SSRP1: variants seen among roughly 807,000 people sequenced by gnomAD.
SSRP1 encodes the protein structure specific recognition protein 1.
In SSRP1, 21 loss-of-function variants were observed where a neutral mutation model predicts 84.4. That is an observed-to-expected ratio of 0.25 (90% CI 0.18 to 0.36). The LOEUF (loss-of-function observed/expected upper bound fraction) is 0.36, where lower values mean the gene tolerates loss of function less well. Ranked by LOEUF, SSRP1 falls within the 10% of genes least tolerant of loss-of-function variation. The pLI is 1.00. For missense variants in SSRP1, 519 were observed against 900.8 expected (o/e 0.58, Z 5.43); for synonymous variants, 319 against 318.3 (o/e 1.00, Z -0.02).
chr11:57,334,925 G>T, intron 2 of SSRP1, 143 bp downstream of exon 2: 1 of 966,438 alleles, frequency 1.0e-6, no homozygotes, highest in South Asian at 1.4e-5. Flanking sequence ...GTATTGCCTT[G>T]AGTTGGTGGA....
In SSRP1 at chr11:57,330,131, T is replaced by C; in HGVS notation, c.1443A>G (p.Ser481=). The change falls in exon 12 of 17, where the codon TCA becomes TCG. Residue 481 remains serine (S), a synonymous_variant. Transcript: ENST00000278412. The surrounding 1 kb of genome is among the most constrained non-coding windows in gnomAD (Gnocchi z 4.0). Reference sequence around the variant, plus strand: ...CTTCCTCCTCTTCACCTGGGTTGAATGACTCATCTGAAAAAGGGCACAGGA... The same window carrying C: ...CTTCCTCCTCTTCACCTGGGTTGAACGACTCATCTGAAAAAGGGCACAGGA... ...SDDSGEETDE[S]FNPGEEEEDV... The C allele has an allele frequency of 6.2e-7, 1 of 1,614,168 alleles. No homozygotes were observed. The highest frequency in any genetic ancestry group is 8.5e-7 in the Non-Finnish European group (1 of 1,180,026).
At chr11:57,333,790 T>C (rs1856146431) in intron 3 of SSRP1, among the ~76,000 whole-genome samples, 1 of 152,248 alleles carries the variant, frequency 6.6e-6, no homozygotes, top group African/African-American at 2.4e-5. Context: ...TTAATGAAAG[T>C]GGAAATTAAA....
chr11:57,330,781 CG>C lies in SSRP1; in HGVS notation c.1296+73del. On this transcript the variant is annotated intron_variant, in intron 10 of 16. Coordinates refer to ENST00000278412, the MANE Select transcript of SSRP1 (RefSeq NM_003146.3). The surrounding 1 kb of genome is among the most constrained non-coding windows in gnomAD (Gnocchi z 4.0). Reference sequence around the variant, plus strand: ...AGAGAAGAAAGAGTGAAAAAGAAGCCGGAAAAAATCTCCACCCCTTTCTCCC... The same window carrying C: ...AGAGAAGAAAGAGTGAAAAAGAAGCCGAAAAAATCTCCACCCCTTTCTCCC... The C allele has an allele frequency of 1.2e-6, 2 of 1,609,096 alleles. No homozygotes were observed. Among genetic ancestry groups the C allele is most frequent in the Non-Finnish European group, 1.7e-6 (2 of 1,177,206 alleles).
chr11:57,327,556 TC>T (rs777417668), intron 14 of SSRP1, 42 bp from the exon 15 acceptor site: 12 of 1,611,346 alleles, frequency 7.4e-6, no homozygotes, highest in Non-Finnish European at 1.0e-5. Flanking sequence ...ATAAGACCTC[TC>T]CCATCTCCCC....
rs756169620 is a variant in SSRP1, at chr11:57,330,571, C to T, written c.1297-142G>A. The T allele has an allele frequency of 8.3e-6, 12 of 1,441,614 alleles. No homozygotes were observed. The highest frequency in any genetic ancestry group is 2.8e-5 in the South Asian group (2 of 71,284). 89.3% of individuals were successfully genotyped at this position (1,441,614 alleles called of 1,614,324 possible). A position where few individuals can be genotyped will look rare whatever the true frequency, so the allele number is the denominator to read the frequency against. ...GGCTGGATTGTCCACACACAGCCAACGTGCAGGGCCTATGCCCAAGTACTT... is the reference window on the plus strand; with the variant it reads ...GGCTGGATTGTCCACACACAGCCAATGTGCAGGGCCTATGCCCAAGTACTT... On this transcript the variant is annotated intron_variant, in intron 10 of 16. Coordinates refer to ENST00000278412, the MANE Select transcript of SSRP1 (RefSeq NM_003146.3). This position sits in a 1 kb window ranked among gnomAD's most constrained non-coding sequence, Gnocchi z 4.0.
intron 13 of SSRP1, 178 bp from the exon 14 acceptor site, chr11:57,328,060 G>GCTTTT: frequency 1.0e-6 from 1 of 955,054 alleles, no homozygotes; most frequent in East Asian, 2.6e-5. Flanking sequence ...TCAGTGCCTA[G>GCTTTT]CTTACCAGGA....
Position 57,330,725 on chromosome 11 carries a change from A to T in SSRP1, c.1296+130T>A. 3 of 1,519,224 alleles carry T rather than the reference A, an allele frequency of 2.0e-6. No homozygotes were observed. Among genetic ancestry groups the T allele is most frequent in the Non-Finnish European group, 2.6e-6 (3 of 1,133,822 alleles). The allele number at this position is 1,519,224 out of a possible 1,614,324, so 94.1% of individuals were successfully genotyped here. On this transcript the variant is annotated intron_variant, in intron 10 of 16. Coordinates refer to ENST00000278412, the MANE Select transcript of SSRP1 (RefSeq NM_003146.3). The surrounding 1 kb of genome is among the most constrained non-coding windows in gnomAD (Gnocchi z 4.0). ...CCTGCACCAGGAGGGGGAAAGGGTC[A>T]CACGCACCTCTTTTTTCTATAAGGG... is the stretch of plus-strand genomic sequence containing the variant.
Position 57,335,132 on chromosome 11 carries a change from G to A in SSRP1, c.-11C>T. On this transcript the variant is annotated 5_prime_UTR_variant, in exon 2 of 17. Coordinates refer to ENST00000278412, the MANE Select transcript of SSRP1 (RefSeq NM_003146.3). This position sits in a 1 kb window ranked among gnomAD's most constrained non-coding sequence, Gnocchi z 4.6. Reference sequence around the variant, plus strand: ...CAGTGTCTCTGCCATGTCGACCCCTGCCTGTGGTGGCCTGGGCAGAGCCCC... The same window carrying A: ...CAGTGTCTCTGCCATGTCGACCCCTACCTGTGGTGGCCTGGGCAGAGCCCC... The A allele has an allele frequency of 6.2e-7, 1 of 1,613,972 alleles. No individual in the cohort carries two copies. Among genetic ancestry groups the A allele is most frequent in the Non-Finnish European group, 8.5e-7 (1 of 1,179,944 alleles).
At position 57,330,072 on chromosome 11, in the gene SSRP1, C is replaced by T. The variant is rs763622425; in HGVS notation, c.1481+21G>A. ...CTTATGGGTCACCATCTTATCCCCACAAGGTACCACCAAAACTCACTCCTC... is the reference window on the plus strand; with the variant it reads ...CTTATGGGTCACCATCTTATCCCCATAAGGTACCACCAAAACTCACTCCTC... On this transcript the variant is annotated intron_variant, in intron 12 of 16. Transcript: ENST00000278412. This position sits in a 1 kb window ranked among gnomAD's most constrained non-coding sequence, Gnocchi z 4.0. The T allele has an allele frequency of 2.8e-5, 45 of 1,614,172 alleles. 1 individual carries two copies. In the South Asian group the frequency reaches 4.7e-4, roughly 17 times the overall value.
Position 57,335,045 on chromosome 11 carries a change from T to A in SSRP1, c.54+23A>T. ...CCCTCCTTCCTTCTCTCTACTTGTA[T>A]CACCTGTCCAAGCCATTCTCACCAT... On this transcript the variant is annotated intron_variant, in intron 2 of 16. Coordinates refer to ENST00000278412, the MANE Select transcript of SSRP1 (RefSeq NM_003146.3). This position sits in a 1 kb window ranked among gnomAD's most constrained non-coding sequence, Gnocchi z 4.6. 6.2e-7 allele frequency: 1 copy of A among 1,613,732 alleles called. No homozygotes were observed. The highest frequency in any genetic ancestry group is 2.2e-5 in the East Asian group (1 of 44,878).
intron 13 of SSRP1, 147 bp downstream of exon 13, chr11:57,328,150 C>T (rs1856021325): frequency 2.3e-6 from 3 of 1,328,562 alleles, no homozygotes; most frequent in Non-Finnish European, 3.1e-6. Context: ...AAGAAGATAA[C>T]CCTCAAGGCT....
At chr11:57,333,204 C>G (rs2134391827) in intron 4 of SSRP1, 55 bp from the exon 5 acceptor site, 4 of 1,542,088 alleles carry the variant, frequency 2.6e-6, no homozygotes, top group East Asian at 2.3e-5. Context: ...TCTGCATAAG[C>G]AATATTCCCA....
Position 57,326,284 on chromosome 11 carries a change from A to G in SSRP1, c.*123T>C. The G allele has an allele frequency of 3.3e-6, 3 of 898,864 alleles. No homozygotes were observed. The highest frequency in any genetic ancestry group is 3.7e-5 in the Admixed American group (2 of 53,556). The allele number at this position is 898,864 out of a possible 1,614,324, so 55.7% of individuals were successfully genotyped here. ...CCCTAGTGACATACACACCAACAGG[A>G]GAGCATGTTCAGATGGCACAGAATC... On this transcript the variant is annotated 3_prime_UTR_variant, in exon 17 of 17. Transcript: ENST00000278412.
At position 57,326,577 on chromosome 11, in the gene SSRP1, G is replaced by A. The variant is rs1235261275; in HGVS notation, c.2059-99C>T. 1.9e-6 allele frequency: 3 copies of A among 1,592,914 alleles called. No homozygotes were observed. The Admixed American group carries it at 5.1e-5, about 27-fold the overall frequency. The stretch of plus-strand genomic sequence containing the variant: ...CAATTCCCTACCGCCCCCAACTACA[G>A]CACCCCCCTTCAGAACCTCAGAATT... On this transcript the variant is annotated intron_variant, in intron 16 of 16. Transcript: ENST00000278412.
At position 57,332,508 on chromosome 11, in the gene SSRP1, T is replaced by A; in HGVS notation, c.769-22A>T. 1 of 1,613,286 alleles carries A rather than the reference T, an allele frequency of 6.2e-7. No homozygotes were observed. The highest frequency in any genetic ancestry group is 8.5e-7 in the Non-Finnish European group (1 of 1,179,410). On this transcript the variant is annotated intron_variant, in intron 6 of 16. Coordinates refer to ENST00000278412, the MANE Select transcript of SSRP1 (RefSeq NM_003146.3). This position sits in a 1 kb window ranked among gnomAD's most constrained non-coding sequence, Gnocchi z 5.5. ...TGATCTAGTAAGGAAGAGTACTAAT[T>A]GACACTCTACAACAACTTGCAATTA... is the stretch of plus-strand genomic sequence containing the variant.
At chr11:57,329,838 G>T in intron 12 of SSRP1, 1 of 570,844 alleles carries the variant, frequency 1.8e-6, no homozygotes, top group South Asian at 2.1e-5. Context: ...ATCCAACTAC[G>T]AACCAGCCCC....
chr11:57,326,544 A>C, intron 16 of SSRP1, 66 bp from the exon 17 acceptor site: 1 of 1,607,784 alleles, frequency 6.2e-7, no homozygotes, highest in Non-Finnish European at 8.5e-7. Flanking sequence ...TCTTCAGTGA[A>C]GGGCCCGCAA....
chr11:57,327,574 CT>C (rs1856010666), intron 14 of SSRP1, 60 bp from the exon 15 acceptor site: 1 of 1,608,788 alleles, frequency 6.2e-7, no homozygotes, highest in Non-Finnish European at 8.5e-7. Flanking sequence ...CCCCTCTCCC[CT>C]GATGCAGGCA....
At position 57,326,852 on chromosome 11, in the gene SSRP1, T is replaced by C. The variant is rs1328136834; in HGVS notation, c.1909A>G (p.Met637Val). The change falls in exon 16 of 17, where the codon ATG (methionine) becomes GTG (valine). Residue 637 changes from methionine (M) to valine (V), a missense_variant. Transcript: ENST00000278412. ...CTAGAGGGCGTGGATTTCTTTTCCA[T>C]CTTTACCTTTACTTTCTTCTTCTTC... ...SKKKKKVKVK[M>V]EKKSTPSRGS... 4 of 1,613,688 alleles carry C rather than the reference T, an allele frequency of 2.5e-6. No individual in the cohort carries two copies. In the Admixed American group the frequency reaches 6.7e-5, roughly 27 times the overall value.
Sources: allele counts gnomAD v4.1 joint callset (sites outside exome capture counted in the v4.1 genomes callset), GRCh38; gene constraint gnomAD v4.1.1; non-coding constraint Gnocchi (gnomAD v3.1); transcripts MANE v1.5; gene names NCBI Gene and HGNC (gene_info 2026-07-23, HGNC 2026-07-21).